SMIM31: variants seen among roughly 807,000 people sequenced by gnomAD.
SMIM31 encodes the protein human epithelial cell program regulator.
chr4:164,763,886 G>A (rs1465532417), intron 1 of SMIM31, among the ~76,000 whole-genome samples: 1 of 152,106 alleles, frequency 6.6e-6, no homozygotes, highest in Non-Finnish European at 1.5e-5. Flanking sequence ...ATAAAATTGG[G>A]AGGAAAAAAC....
At chr4:164,773,350 C>A (rs1044254927) in intron 2 of SMIM31, among the ~76,000 whole-genome samples, 4 of 152,154 alleles carry the variant, frequency 2.6e-5, no homozygotes, top group African/African-American at 9.7e-5. Context: ...TGTTCTCATG[C>A]TGCTAATAAG....
intron 1 of SMIM31, among the ~76,000 whole-genome samples, chr4:164,762,475 G>A (rs983110449): frequency 4.0e-5 from 6 of 151,852 alleles, no homozygotes; most frequent in Non-Finnish European, 7.4e-5. Flanking sequence ...CCAGCACTTC[G>A]GGAAGCCGAG....
At chr4:164,790,246 A>G (rs562807916) in intron 2 of SMIM31, among the ~76,000 whole-genome samples, 1 of 152,202 alleles carries the variant, frequency 6.6e-6, no homozygotes, top group Non-Finnish European at 1.5e-5. Flanking sequence ...TTGAAAACTT[A>G]TAAGCTAAAT....
intron 2 of SMIM31, among the ~76,000 whole-genome samples, chr4:164,794,205 C>G (rs981399604): frequency 1.3e-5 from 2 of 151,722 alleles, no homozygotes; most frequent in African/African-American, 4.8e-5. Context: ...AAGGAAACCC[C>G]ATCTCTACAA....
chr4:164,794,664 G>C (rs1733165274), intron 2 of SMIM31, among the ~76,000 whole-genome samples: 1 of 151,954 alleles, frequency 6.6e-6, no homozygotes, highest in South Asian at 2.1e-4. Flanking sequence ...AATTAGCTGG[G>C]CATGGTGGCG....
chr4:164,777,824 G>C (rs1732897001), intron 2 of SMIM31, among the ~76,000 whole-genome samples: 3 of 152,194 alleles, frequency 2.0e-5, no homozygotes, highest in Admixed American at 2.0e-4. Flanking sequence ...CCCCAGTCCA[G>C]GTTAGAATCG....
At chr4:164,792,470 A>G (rs1202748817) in intron 2 of SMIM31, among the ~76,000 whole-genome samples, 1 of 152,224 alleles carries the variant, frequency 6.6e-6, no homozygotes, top group African/African-American at 2.4e-5. Flanking sequence ...AAGGTTTTCT[A>G]CATGAGATTT....
chr4:164,757,457 A>G (rs1732579846), intron 1 of SMIM31, among the ~76,000 whole-genome samples: 1 of 151,846 alleles, frequency 6.6e-6, no homozygotes, highest in Non-Finnish European at 1.5e-5. Flanking sequence ...TTGGCTATTA[A>G]TTTCCATGTC....
intron 1 of SMIM31, among the ~76,000 whole-genome samples, chr4:164,763,607 CTG>C (rs1398132676): frequency 2.0e-5 from 3 of 152,178 alleles, no homozygotes; most frequent in Admixed American, 6.5e-5. Flanking sequence ...ATGCCAGACA[CTG>C]TTCAAAGTTC....
intron 2 of SMIM31, among the ~76,000 whole-genome samples, chr4:164,775,298 T>G (rs1407519692): frequency 1.3e-5 from 2 of 152,184 alleles, no homozygotes; most frequent in African/African-American, 4.8e-5. Flanking sequence ...TACAGACCTT[T>G]CCTCTTTTGC....
chr4:164,803,632 TA>T lies in SMIM31; in HGVS notation c.*2443del, dbSNP rs1733316562. Reference sequence around the variant, plus strand: ...CAAGATGGTGAAACCTCCTCTCTACTAAAAATACAAAAATTAGCCAGGCGTG... The same window carrying T: ...CAAGATGGTGAAACCTCCTCTCTACTAAAATACAAAAATTAGCCAGGCGTG... On this transcript the variant is annotated 3_prime_UTR_variant, in exon 3 of 3. Transcript: ENST00000507311. 1 of 150,762 alleles carries T rather than the reference TA, an allele frequency of 6.6e-6. No individual in the cohort carries two copies. The highest frequency in any genetic ancestry group is 1.5e-5 in the Non-Finnish European group (1 of 67,782). The allele number at this position is 150,762 out of a possible 1,614,324, so 9.3% of individuals were successfully genotyped here.
intron 2 of SMIM31, among the ~76,000 whole-genome samples, chr4:164,797,328 A>C (rs998990205): frequency 4.6e-5 from 7 of 151,968 alleles, no homozygotes; most frequent in Non-Finnish European, 4.4e-5. Flanking sequence ...AAACTTGGGG[A>C]TATGGGAAGA....
intron 1 of SMIM31, among the ~76,000 whole-genome samples, chr4:164,760,120 G>C (rs9998101): frequency 0.074 from 11,257 of 152,248 alleles, 611 homozygotes; most frequent in African/African-American, 0.15. Context: ...TAGAATGGAG[G>C]AAATGACGGG....
chr4:164,762,101 G>A (rs1042202952), intron 1 of SMIM31, among the ~76,000 whole-genome samples: 1 of 152,130 alleles, frequency 6.6e-6, no homozygotes, highest in Non-Finnish European at 1.5e-5. Flanking sequence ...CTCACACAGA[G>A]CTCACTCTAC....
chr4:164,770,280 A>C, intron 1 of SMIM31, 139 bp from the exon 2 acceptor site: 2 of 390,108 alleles, frequency 5.1e-6, no homozygotes, highest in Non-Finnish European at 9.1e-6. Flanking sequence ...CCACTGCCAA[A>C]TACATTGTTC....
At position 164,801,444 on chromosome 4, in the gene SMIM31, A is replaced by G. The variant is rs985061390; in HGVS notation, c.*250A>G. ...AGCTGCAATTGATTATACAAAAAAA[A>G]AAAGACCAAAGTGGTTACAATAATA... On this transcript the variant is annotated 3_prime_UTR_variant, in exon 3 of 3. Coordinates refer to ENST00000507311, the MANE Select transcript of SMIM31 (RefSeq NM_001352885.1). 6.7e-6 allele frequency: 2 copies of G among 300,624 alleles called. No homozygotes were observed. Among genetic ancestry groups the G allele is most frequent in the Non-Finnish European group, 1.2e-5 (2 of 165,300 alleles). 18.6% of individuals were successfully genotyped at this position (300,624 alleles called of 1,614,324 possible).
intron 2 of SMIM31, among the ~76,000 whole-genome samples, chr4:164,797,831 C>T (rs538978254): frequency 6.6e-6 from 1 of 152,166 alleles, no homozygotes; most frequent in South Asian, 2.1e-4. Flanking sequence ...GTACCCATTA[C>T]CCAAATAGTC....
chr4:164,757,559 T>G (rs1425261906), intron 1 of SMIM31, among the ~76,000 whole-genome samples: 2 of 152,132 alleles, frequency 1.3e-5, no homozygotes, highest in Non-Finnish European at 2.9e-5. Flanking sequence ...AGCTTTTACA[T>G]TCAGTTCTAA....
chr4:164,773,891 G>A (rs929349943), intron 2 of SMIM31, among the ~76,000 whole-genome samples: 2 of 152,188 alleles, frequency 1.3e-5, no homozygotes, highest in East Asian at 1.9e-4. Flanking sequence ...ATCTGGCTGG[G>A]TGCGGTGGCT....
Sources: allele counts gnomAD v4.1 joint callset (sites outside exome capture counted in the v4.1 genomes callset), GRCh38; gene constraint gnomAD v4.1.1; transcripts MANE v1.5; gene names NCBI Gene and HGNC (gene_info 2026-07-23, HGNC 2026-07-21).